The following HOXA3 variants were observed in gnomAD, a reference collection of about 807,000 sequenced individuals.
The protein encoded by HOXA3 is homeobox protein Hox-A3.
A neutral mutation model predicts 30.3 loss-of-function variants in HOXA3; 8 were observed. The ratio of observed to expected loss-of-function variants is 0.26; its 90% CI spans 0.15 to 0.48. The LOEUF is 0.48. HOXA3 is among the 20% of genes least tolerant of loss of function. The pLI, the probability that HOXA3 is intolerant of heterozygous loss-of-function variation, is 0.99. For missense variants in HOXA3, 653 were observed against 614.4 expected (o/e 1.06, Z -0.66); for synonymous variants, 323 against 273.1 (o/e 1.18, Z -1.80).
chr7:27,142,286 G>T (rs1782599049), intron 1 of HOXA3, among the ~76,000 whole-genome samples: 1 of 152,218 alleles, frequency 6.6e-6, no homozygotes, highest in Admixed American at 6.5e-5. Context: ...GGAACAATCT[G>T]CCCATCTGAG....
At chr7:27,147,668 A>G in intron 1 of HOXA3, 13 of 1,614,114 alleles carry the variant, frequency 8.1e-6, no homozygotes, top group East Asian at 4.5e-5. Context: ...CCAGCCTGGT[A>G]GAGGGGCAGC....
At chr7:27,130,981 C>G (rs1005075726) in intron 2 of HOXA3, among the ~76,000 whole-genome samples, 3 of 152,032 alleles carry the variant, frequency 2.0e-5, no homozygotes, top group Non-Finnish European at 1.5e-5. Flanking sequence ...AATGGGCGCA[C>G]CGCGCGCGCG....
rs748131705 is a variant in HOXA3 at position 27,110,555 on chromosome 7, T to C, written c.86A>G (p.Asn29Ser). ...GGCGGACGCCGGGTACGGCTGCTGATTGGCATTATAAGCGAACCCGTTGGC... is the reference window on the plus strand; with the variant it reads ...GGCGGACGCCGGGTACGGCTGCTGACTGGCATTATAAGCGAACCCGTTGGC... ...QAANGFAYNANQQPYPASAAL... is the reference protein window; with the variant it reads ...QAANGFAYNASQQPYPASAAL... The change falls in exon 5 of 6, where the codon AAT becomes AGT. Residue 29 changes from asparagine to serine, a missense_variant. Around this residue, in one of 3 missense-constraint regions of HOXA3, gnomAD observed 320 missense variants for 321.9 expected, o/e 0.99. Transcript: ENST00000612286. The C allele has an allele frequency of 6.2e-7, 1 of 1,606,690 alleles. No individual in the cohort carries two copies. The highest frequency in any genetic ancestry group is 1.1e-5 in the South Asian group (1 of 91,000).
chr7:27,129,640 G>T, intron 2 of HOXA3: 1 of 1,559,186 alleles, frequency 6.4e-7, no homozygotes, highest in Non-Finnish European at 8.7e-7. Context: ...AGGAGGAGGA[G>T]AGAGAAGGTG....
Position 27,107,942 on chromosome 7 carries a change from C to G in HOXA3, c.1305G>C (p.Gln435His). 1 of 1,586,744 alleles carries G rather than the reference C, an allele frequency of 6.3e-7. No individual in the cohort carries two copies. The highest frequency in any genetic ancestry group is 8.6e-7 in the Non-Finnish European group (1 of 1,160,046). ...ACAGGTGGGTGAGCTTGGGTGCTTC[C>G]TGAATTCTTCCCTGAGAAGGATGGT... ...TGHHPSQGRI[Q>H]EAPKLTHL The change falls in exon 6 of 6, where the codon CAG (glutamine) becomes CAC (histidine). Residue 435 changes from glutamine (Q) to histidine (H), a missense_variant. By Grantham distance (24) the Gln-to-His change is conservative. Coordinates refer to ENST00000612286, the MANE Select transcript of HOXA3 (RefSeq NM_153631.3).
intron 2 of HOXA3, 142 bp downstream of exon 2, chr7:27,139,941 T>C (rs958149615): frequency 4.0e-5 from 6 of 151,898 alleles, no homozygotes; most frequent in Non-Finnish European, 7.4e-5. Flanking sequence ...GCTGCTCTTT[T>C]GGGCAGAGGG....
intron 1 of HOXA3, chr7:27,141,950 C>G: frequency 6.2e-7 from 1 of 1,614,208 alleles, no homozygotes; most frequent in Non-Finnish European, 8.5e-7. Flanking sequence ...CTCGGAGAGG[C>G]AAAGAGCATG....
intron 4 of HOXA3, among the ~76,000 whole-genome samples, chr7:27,111,773 G>A (rs1204399420): frequency 1.3e-5 from 2 of 152,050 alleles, no homozygotes; most frequent in African/African-American, 4.8e-5. Flanking sequence ...ACCCCTCCAG[G>A]AACCTGAAAA....
At position 27,130,206 on chromosome 7, in the gene HOXA3, C is replaced by T. The variant is rs1176828284; in HGVS notation, c.-389-3136G>A. The T allele has an allele frequency of 2.6e-6, 4 of 1,547,176 alleles. No homozygotes were observed. In the Admixed American group the frequency reaches 5.5e-5, roughly 21 times the overall value. On this transcript the variant is annotated intron_variant, in intron 2 of 5. Coordinates refer to ENST00000612286, the MANE Select transcript of HOXA3 (RefSeq NM_153631.3). ...GCGGGCTCTTGTCGGCCAAGAGCAGCGGGCACGCGGGGGCGCTGCCCCCTG... is the reference window on the plus strand; with the variant it reads ...GCGGGCTCTTGTCGGCCAAGAGCAGTGGGCACGCGGGGGCGCTGCCCCCTG...
Position 27,107,989 on chromosome 7 carries a change from TG to T in HOXA3, c.1257del (p.Thr420ProfsTer84). 1 of 1,611,106 alleles carries T rather than the reference TG, an allele frequency of 6.2e-7. No homozygotes were observed. The highest frequency in any genetic ancestry group is 8.5e-7 in the Non-Finnish European group (1 of 1,178,210). ...HHGPGPGEPHPTYTDLTGHHP... is the reference protein window; with the variant it reads ...HHGPGPGEPHXTYTDLTGHHP... ...TGGTGGCCGGTAAGGTCCGTGTAGGTGGGGTGCGGCTCCCCAGGCCCCGGCC... is the reference window on the plus strand; with the variant it reads ...TGGTGGCCGGTAAGGTCCGTGTAGGTGGGTGCGGCTCCCCAGGCCCCGGCC... On this transcript the variant is annotated frameshift_variant, in exon 6 of 6. Coordinates refer to ENST00000612286, the MANE Select transcript of HOXA3 (RefSeq NM_153631.3). LOFTEE classifies it high-confidence loss of function.
At position 27,108,027 on chromosome 7, in the gene HOXA3, C is replaced by A. The variant is rs1045749988; in HGVS notation, c.1220G>T (p.Gly407Val). ...CCCAGGCCCCGGCCCGTGGTGGTGG[C>A]CGCTGCCCAGCGGCCCGGCACCCCC... ...DYGGAGPLGS[G>V]HHHGPGPGEP... is the part of the protein sequence containing the mutation. Residue 407 changes from glycine (G) to valine (V), a missense_variant, in exon 6 of 6, where the codon GGC (glycine) becomes GTC (valine). Around this residue, in one of 3 missense-constraint regions of HOXA3, gnomAD observed 330 missense variants for 274.4 expected, o/e 1.20. Transcript: ENST00000612286. This position sits in a 1 kb window ranked among gnomAD's most constrained non-coding sequence, Gnocchi z 5.0. 6.2e-7 allele frequency: 1 copy of A among 1,612,770 alleles called. No homozygotes were observed.
At chr7:27,141,674 C>G in intron 1 of HOXA3, 1 of 819,044 alleles carries the variant, frequency 1.2e-6, no homozygotes. Context: ...TATACAGGCG[C>G]TATAATGGCA....
chr7:27,117,111 C>A (rs891888909), intron 4 of HOXA3, among the ~76,000 whole-genome samples: 3 of 152,212 alleles, frequency 2.0e-5, no homozygotes, highest in African/African-American at 7.2e-5. Flanking sequence ...TGTGGGGTCC[C>A]CAAAGCCCAA....
chr7:27,113,245 T>A lies in HOXA3; in HGVS notation c.-120-2485A>T, dbSNP rs1039843068. ...AATTGAGTGCAAGAAGCAAGCCCTA[T>A]TGTCTCTCTGGAAGATGTGCCCAAA... On this transcript the variant is annotated intron_variant, in intron 4 of 5. Coordinates refer to ENST00000612286, the MANE Select transcript of HOXA3 (RefSeq NM_153631.3). This position sits in a 1 kb window ranked among gnomAD's most constrained non-coding sequence, Gnocchi z 4.8. 6.6e-6 allele frequency among the ~76,000 whole-genome samples: 1 copy of A among 152,192 alleles called. No homozygotes were observed.
intron 1 of HOXA3, among the ~76,000 whole-genome samples, chr7:27,143,908 A>C (rs1782664119): frequency 6.6e-6 from 1 of 152,058 alleles, no homozygotes; most frequent in South Asian, 2.1e-4. Flanking sequence ...GTTCAGCCGG[A>C]CTCGAGCGCC....
chr7:27,146,251 TTGTGTGTG>T (rs10685970), intron 1 of HOXA3, among the ~76,000 whole-genome samples: 1 of 149,012 alleles, frequency 6.7e-6, no homozygotes, highest in Non-Finnish European at 1.5e-5. Context: ...GTGTGTGTGT[TTGTGTGTG>T]TGTGTGTGTG....
chr7:27,143,858 C>T (rs1782662587), intron 1 of HOXA3, among the ~76,000 whole-genome samples: 1 of 152,086 alleles, frequency 6.6e-6, no homozygotes, highest in African/African-American at 2.4e-5. Flanking sequence ...AGGGGGGTGG[C>T]GCGCGCGCCC....
chr7:27,143,093 G>T, intron 1 of HOXA3: 1 of 1,560,098 alleles, frequency 6.4e-7, no homozygotes, highest in Non-Finnish European at 8.6e-7. Context: ...CTGGGGTTGG[G>T]CGGGCGGCGC....
rs973371332 is a variant in HOXA3 at position 27,107,436 on chromosome 7, T to G, written c.*479A>C. 6.6e-6 allele frequency: 1 copy of G among 152,582 alleles called. No homozygotes were observed. Among genetic ancestry groups the G allele is most frequent in the Non-Finnish European group, 1.5e-5 (1 of 68,310 alleles). The allele number at this position is 152,582 out of a possible 1,614,324, so 9.5% of individuals were successfully genotyped here. A position where few individuals can be genotyped will look rare whatever the true frequency, so the allele number is the denominator to read the frequency against. On this transcript the variant is annotated 3_prime_UTR_variant, in exon 6 of 6. Transcript: ENST00000612286. ...ACACGGAAAGACGTACACTTAGTCATCCTTGCACAGAGAGCCCCTGTTTCA... is the reference window on the plus strand; with the variant it reads ...ACACGGAAAGACGTACACTTAGTCAGCCTTGCACAGAGAGCCCCTGTTTCA...
Sources: gnomAD v4.1 joint callset for allele counts (sites outside exome capture counted in the v4.1 genomes callset) on GRCh38, gnomAD v4.1.1 for gene constraint, gnomAD v4.1.1 regional missense constraint, Gnocchi (gnomAD v3.1) non-coding constraint, MANE v1.5 for transcripts, NCBI Gene and HGNC (gene_info 2026-07-23, HGNC 2026-07-21) for gene names.